ITGA11: variants seen among roughly 807,000 people sequenced by gnomAD.
ITGA11 encodes the protein integrin alpha-11.
In ITGA11, 97 loss-of-function variants were observed where a neutral mutation model predicts 141.9. That is an observed-to-expected ratio of 0.68 (90% CI 0.58 to 0.81). The LOEUF (loss-of-function observed/expected upper bound fraction) is 0.81, where lower values mean the gene tolerates loss of function less well. Ranked by LOEUF, ITGA11 falls within the 30% of genes least tolerant of loss-of-function variation. The pLI, the probability that ITGA11 is intolerant of heterozygous loss-of-function variation, is 0.00. For synonymous variants in ITGA11, 658 were observed against 624.6 expected, an observed-to-expected ratio of 1.05 and a Z score of -0.80; for missense variants, 1,387 against 1,559.2, an observed-to-expected ratio of 0.89 and a Z score of 1.86.
Position 68,432,130 on chromosome 15 carries a change from C to T in ITGA11, c.-64G>A. 1.6e-6 allele frequency: 2 copies of T among 1,244,370 alleles called. No homozygotes were observed. Among genetic ancestry groups the T allele is most frequent in the Non-Finnish European group, 2.1e-6 (2 of 968,608 alleles). The allele number at this position is 1,244,370 out of a possible 1,614,324, so 77.1% of individuals were successfully genotyped here. ...GGCGGGGGGCGGCAAGCCAGAGCGG[C>T]AGCCTCCTCGGCGCGGCGCCTGCAG... On this transcript the variant is annotated 5_prime_UTR_variant, in exon 1 of 30. Transcript: ENST00000315757.
intron 9 of ITGA11, 51 bp from the exon 10 acceptor site, chr15:68,348,951 C>T: frequency 2.7e-6 from 4 of 1,485,808 alleles, no homozygotes; most frequent in Non-Finnish European, 3.7e-6. Context: ...TCCCTTAGCG[C>T]CAGACAGATC....
At chr15:68,362,232 G>A (rs1895266831) in intron 4 of ITGA11, among the ~76,000 whole-genome samples, 1 of 152,174 alleles carries the variant, frequency 6.6e-6, no homozygotes, top group Non-Finnish European at 1.5e-5. Context: ...CAAAAACACT[G>A]ATGTCAGTCC....
intron 1 of ITGA11, among the ~76,000 whole-genome samples, chr15:68,427,344 T>C (rs1011097595): frequency 2.6e-5 from 4 of 152,164 alleles, no homozygotes; most frequent in African/African-American, 4.8e-5. Flanking sequence ...TTTAACCTGA[T>C]TGTTGTCCTA....
chr15:68,321,752 C>A lies in ITGA11; in HGVS notation c.2323-249G>T, dbSNP rs1325770210. ...GCTGATGGCACAGAACCCCCACCCC[C>A]ACTCACCCAGCAGAGCGGTTCTGGT... On this transcript the variant is annotated intron_variant, in intron 18 of 29. Coordinates refer to ENST00000315757, the MANE Select transcript of ITGA11 (RefSeq NM_001004439.2). This position sits in a 1 kb window ranked among gnomAD's most constrained non-coding sequence, Gnocchi z 4.9. Among the ~76,000 whole-genome samples, 1 of 152,178 alleles carries A rather than the reference C, an allele frequency of 6.6e-6. No homozygotes were observed. Among genetic ancestry groups the A allele is most frequent in the Non-Finnish European group, 1.5e-5 (1 of 68,032 alleles).
At chr15:68,417,474 G>A (rs927057779) in intron 1 of ITGA11, among the ~76,000 whole-genome samples, 3 of 152,136 alleles carry the variant, frequency 2.0e-5, no homozygotes, top group African/African-American at 7.2e-5. Flanking sequence ...TTGCACTAGA[G>A]TTTTCCAACT....
chr15:68,333,078 G>C lies in ITGA11; in HGVS notation c.1426-600C>G, dbSNP rs1479001605. Among the ~76,000 whole-genome samples, 1 of 150,226 alleles carries C rather than the reference G, an allele frequency of 6.7e-6. No individual in the cohort carries two copies. On this transcript the variant is annotated intron_variant, in intron 12 of 29. Transcript: ENST00000315757. The surrounding 1 kb of genome is among the most constrained non-coding windows in gnomAD (Gnocchi z 4.2). ...CCAAATTATGCATGTATCATAATGT[G>C]TTTAATCAGTTATTGCTGGACGGTT... is the stretch of plus-strand genomic sequence containing the variant.
At chr15:68,380,821 G>T (rs949468191) in intron 2 of ITGA11, among the ~76,000 whole-genome samples, 1 of 152,150 alleles carries the variant, frequency 6.6e-6, no homozygotes, top group Non-Finnish European at 1.5e-5. Context: ...TCCTCAACAG[G>T]TTCATCCCTG....
In ITGA11 at chr15:68,418,927, A is replaced by G. The variant is rs528375959; in HGVS notation, c.52+13088T>C. On this transcript the variant is annotated intron_variant, in intron 1 of 29. Transcript: ENST00000315757. ...AGCAAGACAAGGCTCAGGATATGCA[A>G]TTTGTGGCAGGGCTTTCCCTCAGAC... is the stretch of plus-strand genomic sequence containing the variant. Among the ~76,000 whole-genome samples, 3 of 152,042 alleles carry G rather than the reference A, an allele frequency of 2.0e-5. No homozygotes were observed. In the East Asian group the frequency reaches 5.9e-4, roughly 30 times the overall value.
At chr15:68,314,228 G>A (rs888414729) in intron 22 of ITGA11, among the ~76,000 whole-genome samples, 2 of 152,188 alleles carry the variant, frequency 1.3e-5, no homozygotes, top group African/African-American at 4.8e-5. Context: ...AGGGGCTGTG[G>A]GAGATGACAC....
At chr15:68,338,095 G>A (rs1346594462) in intron 11 of ITGA11, among the ~76,000 whole-genome samples, 2 of 152,128 alleles carry the variant, frequency 1.3e-5, no homozygotes, top group Admixed American at 6.6e-5. Flanking sequence ...TTAATGCCTC[G>A]AGGCACCTGC....
chr15:68,420,553 A>C (rs1896991827), intron 1 of ITGA11, among the ~76,000 whole-genome samples: 1 of 152,212 alleles, frequency 6.6e-6, no homozygotes, highest in Admixed American at 6.5e-5. Flanking sequence ...GACAGGGAAA[A>C]GTCAGGACTG....
chr15:68,419,891 T>C (rs1272991409), intron 1 of ITGA11, among the ~76,000 whole-genome samples: 1 of 152,196 alleles, frequency 6.6e-6, no homozygotes, highest in Non-Finnish European at 1.5e-5. Context: ...ACTTAACTTC[T>C]ATGTTAGCTA....
chr15:68,396,553 C>T (rs1896246548), intron 2 of ITGA11, among the ~76,000 whole-genome samples: 2 of 151,726 alleles, frequency 1.3e-5, no homozygotes, highest in South Asian at 2.1e-4. Flanking sequence ...TTCTTTTTGA[C>T]CTTGCACTGA....
chr15:68,330,614 G>A (rs1471978885), intron 15 of ITGA11, among the ~76,000 whole-genome samples: 1 of 151,912 alleles, frequency 6.6e-6, no homozygotes, highest in Non-Finnish European at 1.5e-5. Context: ...AGAAATCTCT[G>A]TACTAGATAA....
Position 68,325,685 on chromosome 15 carries a change from G to A in ITGA11, c.2212-444C>T, listed in dbSNP as rs994229839. Among the ~76,000 whole-genome samples, 2 of 152,212 alleles carry A rather than the reference G, an allele frequency of 1.3e-5. No individual in the cohort carries two copies. The highest frequency in any genetic ancestry group is 3.8e-4 in the East Asian group (2 of 5,200). On this transcript the variant is annotated intron_variant, in intron 17 of 29. Transcript: ENST00000315757. This position sits in a 1 kb window ranked among gnomAD's most constrained non-coding sequence, Gnocchi z 5.5. ...CAAGGAATAGGCCTGGAGCCTCCCA[G>A]CATGGCCCTAGCACTGTGATAAGGG...
rs545024374 is a variant in ITGA11, at chr15:68,320,453, G to C, written c.2409-61C>G. ...GAATGAGGAAAGCAGGGGTAGAGAG[G>C]AGCCCCAGGGTTGGGGCAAAAAGGT... On this transcript the variant is annotated intron_variant, in intron 19 of 29. Coordinates refer to ENST00000315757, the MANE Select transcript of ITGA11 (RefSeq NM_001004439.2). 14 of 1,456,282 alleles carry C rather than the reference G, an allele frequency of 9.6e-6. No homozygotes were observed. The East Asian group carries it at 3.2e-4, about 34-fold the overall frequency. 90.2% of individuals were successfully genotyped at this position (1,456,282 alleles called of 1,614,324 possible).
rs756230668 is a variant in ITGA11, at chr15:68,325,044, G to A, written c.2322+87C>T. On this transcript the variant is annotated intron_variant, in intron 18 of 29. Coordinates refer to ENST00000315757, the MANE Select transcript of ITGA11 (RefSeq NM_001004439.2). The surrounding 1 kb of genome is among the most constrained non-coding windows in gnomAD (Gnocchi z 5.5). ...ATGAGGGATGGTGTCCTCTGTACCC[G>A]GCACACTCAGGCTCTGGGCTTTGGG... 125 of 969,708 alleles carry A rather than the reference G, an allele frequency of 1.3e-4. No individual in the cohort carries two copies. Among genetic ancestry groups the A allele is most frequent in the Admixed American group, 4.0e-4 (23 of 57,552 alleles). 60.1% of individuals were successfully genotyped at this position (969,708 alleles called of 1,614,324 possible).
chr15:68,344,855 C>CCTGATAAAA (rs1274507746), intron 10 of ITGA11, among the ~76,000 whole-genome samples: 1 of 151,532 alleles, frequency 6.6e-6, no homozygotes, highest in Non-Finnish European at 1.5e-5. Flanking sequence ...CAAGATCTAC[C>CCTGATAAAA]CTGATAAAAC....
At chr15:68,354,858 GT>G (rs1895022889) in intron 7 of ITGA11, among the ~76,000 whole-genome samples, 1 of 152,162 alleles carries the variant, frequency 6.6e-6, no homozygotes, top group Non-Finnish European at 1.5e-5. Context: ...CCTTTCATAG[GT>G]GCATAGGAAA....
Sources: allele counts gnomAD v4.1 joint callset (sites outside exome capture counted in the v4.1 genomes callset), GRCh38; gene constraint gnomAD v4.1.1; non-coding constraint Gnocchi (gnomAD v3.1); transcripts MANE v1.5; gene names NCBI Gene and HGNC (gene_info 2026-07-23, HGNC 2026-07-21).